Variants in MBNL1 observed in about 807,000 individuals in gnomAD.
MBNL1 encodes muscleblind like splicing regulator 1.
Under a neutral mutation model 42.2 loss-of-function variants are expected in MBNL1, and 8 were observed. The ratio of observed to expected loss-of-function variants is 0.19; its 90% CI spans 0.11 to 0.34. The LOEUF (loss-of-function observed/expected upper bound fraction) is 0.34, where lower values mean the gene tolerates loss of function less well. MBNL1 is among the 10% of genes least tolerant of loss of function. The pLI, the probability that MBNL1 is intolerant of heterozygous loss-of-function variation, is 1.00. For missense variants in MBNL1, 309 were observed against 495.3 expected (o/e 0.62, Z 3.57); for synonymous variants, 169 against 173.9 (o/e 0.97, Z 0.22).
chr3:152,399,807 T>G (rs1374916899), intron 2 of MBNL1, among the ~76,000 whole-genome samples: 2 of 152,202 alleles, frequency 1.3e-5, no homozygotes, highest in Non-Finnish European at 2.9e-5. Flanking sequence ...CCACCCATTC[T>G]TATTTAATTT....
intron 2 of MBNL1, among the ~76,000 whole-genome samples, chr3:152,404,985 A>G (rs1202428932): frequency 2.7e-5 from 4 of 150,942 alleles, no homozygotes; most frequent in Non-Finnish European, 5.9e-5. Context: ...TCCTCTGAGG[A>G]AAAAAAAATG....
intron 2 of MBNL1, among the ~76,000 whole-genome samples, chr3:152,249,937 G>A (rs1474187775): frequency 6.8e-6 from 1 of 147,148 alleles, no homozygotes; most frequent in East Asian, 2.0e-4. Flanking sequence ...GTAGATATGT[G>A]GCGTTATTTC....
chr3:152,453,470 A>G (rs1407498035), intron 6 of MBNL1, among the ~76,000 whole-genome samples: 1 of 152,240 alleles, frequency 6.6e-6, no homozygotes, highest in African/African-American at 2.4e-5. Context: ...AAATTGACAA[A>G]TACATTCACT....
At chr3:152,340,385 C>T (rs1474641595) in intron 2 of MBNL1, 10 of 955,276 alleles carry the variant, frequency 1.0e-5, no homozygotes, top group South Asian at 1.0e-4. Flanking sequence ...TACTTGCCAC[C>T]TCTGTAAGAT....
chr3:152,321,853 A>C (rs1049798563), intron 2 of MBNL1, among the ~76,000 whole-genome samples: 3 of 152,020 alleles, frequency 2.0e-5, no homozygotes, highest in African/African-American at 7.2e-5. Context: ...CTACTTTCAA[A>C]CTAACTGAAA....
At chr3:152,335,575 T>A (rs1281832092) in intron 2 of MBNL1, among the ~76,000 whole-genome samples, 1 of 152,222 alleles carries the variant, frequency 6.6e-6, no homozygotes, top group African/African-American at 2.4e-5. Context: ...AAAATAACTC[T>A]GTGGTATATG....
chr3:152,293,903 T>C (rs533215730), intron 1 of MBNL1, among the ~76,000 whole-genome samples: 1 of 152,198 alleles, frequency 6.6e-6, no homozygotes, highest in South Asian at 2.1e-4. Context: ...AAGCATCTCT[T>C]TATCTTCTAT....
Position 152,459,345 on chromosome 3 carries a change from A to G in MBNL1, c.*18A>G. 6.5e-7 allele frequency: 1 copy of G among 1,532,630 alleles called. No individual in the cohort carries two copies. Among genetic ancestry groups the G allele is most frequent in the South Asian group, 1.2e-5 (1 of 82,672 alleles). 94.9% of individuals were successfully genotyped at this position (1,532,630 alleles called of 1,614,324 possible). A position where few individuals can be genotyped will look rare whatever the true frequency, so the allele number is the denominator to read the frequency against. On this transcript the variant is annotated splice_region_variant and 3_prime_UTR_variant, in exon 9 of 10. Coordinates refer to ENST00000324210, the MANE Select transcript of MBNL1 (RefSeq NM_021038.5). ...AGATGTAGAATTTTCATCACTAAAC[A>G]GTAAGTTCATTATGTAATATATAGT...
intron 2 of MBNL1, among the ~76,000 whole-genome samples, chr3:152,370,784 T>A (rs2096624645): frequency 6.6e-6 from 1 of 152,166 alleles, no homozygotes; most frequent in Non-Finnish European, 1.5e-5. Context: ...TCTTGGTTGG[T>A]TTAAAGTCTG....
intron 2 of MBNL1, among the ~76,000 whole-genome samples, chr3:152,324,950 C>G (rs1376906728): frequency 6.6e-6 from 1 of 151,842 alleles, no homozygotes. Context: ...TTTATTGATC[C>G]CTTACTAAGT....
intron 4 of MBNL1, among the ~76,000 whole-genome samples, chr3:152,438,752 C>T (rs953278390): frequency 6.6e-6 from 1 of 152,154 alleles, no homozygotes; most frequent in Admixed American, 6.5e-5. Context: ...TAGGCTTCAA[C>T]TTTTTCATCG....
intron 5 of MBNL1, 98 bp from the exon 6 acceptor site, chr3:152,447,522 T>TGCTC (rs1712398604): frequency 3.4e-6 from 3 of 882,328 alleles, no homozygotes; most frequent in Non-Finnish European, 5.2e-6. Context: ...GCTGCTTGCT[T>TGCTC]GCTCATGCTT....
At chr3:152,345,823 C>G (rs2094146586) in intron 2 of MBNL1, among the ~76,000 whole-genome samples, 1 of 151,990 alleles carries the variant, frequency 6.6e-6, no homozygotes, top group Non-Finnish European at 1.5e-5. Flanking sequence ...GGTTACTTGA[C>G]CTTTTTGAGC....
At chr3:152,303,281 A>G (rs1332170519) in intron 2 of MBNL1, among the ~76,000 whole-genome samples, 1 of 152,192 alleles carries the variant, frequency 6.6e-6, no homozygotes, top group Non-Finnish European at 1.5e-5. Context: ...TCAGAATTAG[A>G]ACGAGAACAG....
At chr3:152,422,144 TAA>T (rs1346648506) in intron 3 of MBNL1, among the ~76,000 whole-genome samples, 2 of 150,818 alleles carry the variant, frequency 1.3e-5, no homozygotes, top group Admixed American at 1.3e-4. Flanking sequence ...GCAAATTGGA[TAA>T]AGAGTCAAGA....
At chr3:152,404,510 C>A (rs967032742) in intron 2 of MBNL1, among the ~76,000 whole-genome samples, 1 of 152,000 alleles carries the variant, frequency 6.6e-6, no homozygotes, top group African/African-American at 2.4e-5. Flanking sequence ...ACAAATGCCT[C>A]ATATAAATAC....
intron 3 of MBNL1, among the ~76,000 whole-genome samples, chr3:152,424,478 C>T (rs762775011): frequency 1.3e-4 from 19 of 151,656 alleles, no homozygotes; most frequent in African/African-American, 2.4e-4. Context: ...GAATCAATAT[C>T]GTGAAAATGG....
At chr3:152,435,198 T>C (rs1362911119) in intron 4 of MBNL1, among the ~76,000 whole-genome samples, 5 of 152,164 alleles carry the variant, frequency 3.3e-5, no homozygotes, top group Non-Finnish European at 7.3e-5. Flanking sequence ...CTTTAATCCG[T>C]CTTGAGTTGA....
intron 2 of MBNL1, chr3:152,339,746 C>T (rs1013003127): frequency 9.2e-5 from 14 of 152,106 alleles, no homozygotes; most frequent in African/African-American, 3.4e-4. Flanking sequence ...AATGTTTACT[C>T]ATAGCTGAAC....
Sources: allele counts gnomAD v4.1 joint callset (sites outside exome capture counted in the v4.1 genomes callset), GRCh38; gene constraint gnomAD v4.1.1; transcripts MANE v1.5; gene names NCBI Gene and HGNC (gene_info 2026-07-23, HGNC 2026-07-21).